The following PTPRG variants were observed in gnomAD, a reference collection of about 807,000 sequenced individuals.
PTPRG encodes the protein receptor-type tyrosine-protein phosphatase gamma.
Under a neutral mutation model 165.3 loss-of-function variants are expected in PTPRG, and 102 were observed. That is an observed-to-expected ratio of 0.62 (90% CI 0.53 to 0.73). PTPRG has a LOEUF of 0.73. Among genes scored for constraint, PTPRG ranks in the 30% least tolerant of loss-of-function variants. The pLI is 0.00. For missense variants in PTPRG, 1,866 were observed against 1,861.4 expected, an observed-to-expected ratio of 1.00 and a Z score of -0.05; for synonymous variants, 675 against 669.5, an observed-to-expected ratio of 1.01 and a Z score of -0.13.
intron 1 of PTPRG, among the ~76,000 whole-genome samples, chr3:61,695,745 G>A (rs1324696862): frequency 1.3e-5 from 2 of 152,178 alleles, no homozygotes; most frequent in Non-Finnish European, 2.9e-5. Context: ...TTGCAGTGGT[G>A]TAGTTCAAGT....
intron 1 of PTPRG, among the ~76,000 whole-genome samples, chr3:61,706,760 G>T (rs1420275642): frequency 6.6e-6 from 1 of 152,028 alleles, no homozygotes; most frequent in African/African-American, 2.4e-5. Flanking sequence ...AAAGTGTTGG[G>T]ATTACAGGGG....
In PTPRG at chr3:62,081,369, A is replaced by G. The variant is rs576583883; in HGVS notation, c.615+3111A>G. Among the ~76,000 whole-genome samples, 54 of 152,308 alleles carry G rather than the reference A, an allele frequency of 3.5e-4. 1 individual carries two copies. In the South Asian group the frequency reaches 0.011, roughly 32 times the overall value. On this transcript the variant is annotated intron_variant, in intron 5 of 29. Coordinates refer to ENST00000474889, the MANE Select transcript of PTPRG (RefSeq NM_002841.4). ...CCTTCTTATTTATTTATTTAGATAC[A>G]AATCTCCCTGTTGCCCAGGCGGAAG... is the stretch of plus-strand genomic sequence containing the variant.
At chr3:61,804,353 C>T (rs1431561902) in intron 2 of PTPRG, among the ~76,000 whole-genome samples, 5 of 152,180 alleles carry the variant, frequency 3.3e-5, no homozygotes, top group African/African-American at 1.2e-4. Flanking sequence ...ATTGTATCCT[C>T]CTTACTGGGA....
intron 5 of PTPRG, among the ~76,000 whole-genome samples, chr3:62,092,439 G>GAAAAAAAAAAAAAAAAAAAAAAAAAAAAA (rs55955359): frequency 1.1e-5 from 1 of 89,436 alleles, no homozygotes; most frequent in African/African-American, 5.0e-5. Flanking sequence ...GAGTCCATCT[G>GAAAAAAAAAAAAAAAAAAAAAAAAAAAAA]AAAAAAAAAA....
chr3:61,895,263 A>G (rs2038322457), intron 2 of PTPRG, among the ~76,000 whole-genome samples: 1 of 152,186 alleles, frequency 6.6e-6, no homozygotes, highest in African/African-American at 2.4e-5. Flanking sequence ...CTGGAAAGTG[A>G]TTGATGCAGG....
At chr3:61,583,247 A>G (rs1700348330) in intron 1 of PTPRG, among the ~76,000 whole-genome samples, 1 of 152,180 alleles carries the variant, frequency 6.6e-6, no homozygotes, top group African/African-American at 2.4e-5. Context: ...CCAATGCTGG[A>G]TGCATTGACT....
intron 5 of PTPRG, among the ~76,000 whole-genome samples, chr3:62,126,848 CA>C (rs1703310136): frequency 6.6e-6 from 1 of 152,206 alleles, no homozygotes; most frequent in African/African-American, 2.4e-5. Flanking sequence ...CGACTTATTT[CA>C]TGGCAGTTTG....
At chr3:61,640,798 T>C (rs1213024319) in intron 1 of PTPRG, among the ~76,000 whole-genome samples, 5 of 152,216 alleles carry the variant, frequency 3.3e-5, no homozygotes, top group Admixed American at 3.3e-4. Flanking sequence ...CGTTTCTACT[T>C]CTGGTTTCTT....
chr3:62,124,286 G>A (rs565824488), intron 5 of PTPRG: 47 of 1,565,072 alleles, frequency 3.0e-5, no homozygotes, highest in African/African-American at 2.6e-4. Context: ...GCTGATGTCC[G>A]TGTTGAGGGT....
At chr3:61,827,827 T>G (rs997341351) in intron 2 of PTPRG, among the ~76,000 whole-genome samples, 1 of 152,188 alleles carries the variant, frequency 6.6e-6, no homozygotes, top group Non-Finnish European at 1.5e-5. Flanking sequence ...TTTAGAGATC[T>G]AAAGAGATTA....
intron 4 of PTPRG, among the ~76,000 whole-genome samples, chr3:62,011,807 T>G (rs1277944145): frequency 1.3e-5 from 2 of 152,162 alleles, no homozygotes; most frequent in Non-Finnish European, 1.5e-5. Context: ...GCTTGGTAAA[T>G]CTCCATGATG....
At chr3:62,089,616 G>A (rs1257263767) in intron 5 of PTPRG, among the ~76,000 whole-genome samples, 3 of 152,172 alleles carry the variant, frequency 2.0e-5, no homozygotes, top group Admixed American at 6.5e-5. Flanking sequence ...GGTGTCTTCT[G>A]AGAAAATTTT....
intron 2 of PTPRG, among the ~76,000 whole-genome samples, chr3:61,841,998 G>A (rs765640412): frequency 1.8e-4 from 27 of 152,188 alleles, no homozygotes; most frequent in Non-Finnish European, 3.7e-4. Flanking sequence ...AGTTTGTTGT[G>A]ACACAGCAAC....
intron 5 of PTPRG, chr3:62,124,065 CTTT>C: frequency 2.2e-6 from 1 of 464,868 alleles, no homozygotes. Flanking sequence ...TTTTCCTTCC[CTTT>C]TTTTTTTCTT....
At chr3:62,140,915 G>A (rs550222717) in intron 6 of PTPRG, among the ~76,000 whole-genome samples, 132 of 150,218 alleles carry the variant, frequency 8.8e-4, no homozygotes, top group Admixed American at 1.5e-3. Context: ...AGGAACCTGA[G>A]GAAATTTTCT....
At position 62,217,804 on chromosome 3, in the gene PTPRG, T is replaced by C. The variant is rs1263284617; in HGVS notation, c.2156-1047T>C. On this transcript the variant is annotated intron_variant, in intron 12 of 29. Transcript: ENST00000474889. The surrounding 1 kb of genome is among the most constrained non-coding windows in gnomAD (Gnocchi z 4.3). ...CAGTGGAAGGGAAGATAGGATCTTC[T>C]GCTGAGGCTCCTGGGGACTTCTGAA... 2.6e-5 allele frequency: 4 copies of C among 152,430 alleles called. No individual in the cohort carries two copies. The highest frequency in any genetic ancestry group is 5.9e-5 in the Non-Finnish European group (4 of 68,236). 9.4% of individuals were successfully genotyped at this position (152,430 alleles called of 1,614,324 possible).
intron 4 of PTPRG, among the ~76,000 whole-genome samples, chr3:62,021,683 A>C (rs2041694715): frequency 6.6e-6 from 1 of 152,128 alleles, no homozygotes. Context: ...TTGCTATGCT[A>C]AAAGTTAATT....
chr3:62,286,183 A>G (rs1479597611), intron 28 of PTPRG, among the ~76,000 whole-genome samples: 1 of 152,172 alleles, frequency 6.6e-6, no homozygotes, highest in Non-Finnish European at 1.5e-5. Flanking sequence ...AAGTGACACA[A>G]GGCATATGGA....
intron 2 of PTPRG, among the ~76,000 whole-genome samples, chr3:61,891,704 T>G (rs2038219637): frequency 1.3e-5 from 2 of 152,218 alleles, no homozygotes; most frequent in Admixed American, 6.5e-5. Context: ...CGCATTTTAA[T>G]CTAAAGAGAG....
Sources: gnomAD v4.1 joint callset for allele counts (sites outside exome capture counted in the v4.1 genomes callset) on GRCh38, gnomAD v4.1.1 for gene constraint, Gnocchi (gnomAD v3.1) non-coding constraint, MANE v1.5 for transcripts, NCBI Gene and HGNC (gene_info 2026-07-23, HGNC 2026-07-21) for gene names.